COMMD10: variants seen among roughly 807,000 people sequenced by gnomAD.
COMMD10 encodes the protein COMM domain containing 10.
COMMD10 carries 33 observed loss-of-function variants against 28.9 expected under a neutral mutation model. The observed-to-expected ratio is 1.14, with a 90% CI of 0.87 to 1.53. COMMD10 has a LOEUF of 1.53. Ranked by LOEUF, COMMD10 falls within the 40% of genes most tolerant of loss-of-function variation. COMMD10 has a pLI of 0.00. For synonymous variants in COMMD10, 110 were observed against 81.7 expected, an observed-to-expected ratio of 1.35 and a Z score of -1.87; for missense variants, 310 against 233.4, an observed-to-expected ratio of 1.33 and a Z score of -2.14.
chr5:116,097,382 G>A (rs916251941), intron 4 of COMMD10, among the ~76,000 whole-genome samples: 1 of 152,158 alleles, frequency 6.6e-6, no homozygotes, highest in Non-Finnish European at 1.5e-5. Flanking sequence ...CCCATTAATA[G>A]TTCTAGTTTA....
At chr5:116,230,031 T>C (rs890920377) in intron 5 of COMMD10, among the ~76,000 whole-genome samples, 7 of 151,986 alleles carry the variant, frequency 4.6e-5, no homozygotes, top group Non-Finnish European at 7.4e-5. Context: ...TAAACTTTAT[T>C]AGGTTTTGTT....
chr5:116,097,477 T>G (rs760149406), intron 4 of COMMD10, among the ~76,000 whole-genome samples: 10 of 152,194 alleles, frequency 6.6e-5, no homozygotes, highest in Non-Finnish European at 1.5e-4. Context: ...GAGTTGGGAT[T>G]TGACAAGAAT....
intron 5 of COMMD10, among the ~76,000 whole-genome samples, chr5:116,228,491 A>G (rs1405455061): frequency 6.6e-6 from 1 of 151,972 alleles, no homozygotes; most frequent in East Asian, 1.9e-4. Flanking sequence ...TTCAATAACC[A>G]GAATTGTAGG....
intron 5 of COMMD10, among the ~76,000 whole-genome samples, chr5:116,163,494 G>A (rs1228573874): frequency 1.3e-5 from 2 of 151,480 alleles, no homozygotes; most frequent in Non-Finnish European, 2.9e-5. Flanking sequence ...GGAGGCTGAG[G>A]CAGGGAATCA....
In COMMD10 at chr5:116,129,751, A is replaced by C. The variant is rs1751803738; in HGVS notation, c.400-4317A>C. 1.5e-5 allele frequency among the ~76,000 whole-genome samples: 2 copies of C among 133,278 alleles called. 1 individual carries two copies. The highest frequency in any genetic ancestry group is 4.6e-4 in the South Asian group (2 of 4,328). 87.4% of individuals were successfully genotyped at this position (133,278 alleles called of 152,430 possible). The stretch of plus-strand genomic sequence containing the variant: ...ATACTATGTGATATACAGTATATAT[A>C]TATACTATATACTATATAATATACA... On this transcript the variant is annotated intron_variant, in intron 4 of 6. Coordinates refer to ENST00000274458, the MANE Select transcript of COMMD10 (RefSeq NM_016144.4).
At chr5:116,203,397 A>G (rs1176548057) in intron 5 of COMMD10, among the ~76,000 whole-genome samples, 5 of 152,238 alleles carry the variant, frequency 3.3e-5, no homozygotes, top group African/African-American at 1.2e-4. Context: ...GAACGCCACA[A>G]AGATACTCCT....
At chr5:116,111,606 TA>T (rs1751048288) in intron 4 of COMMD10, among the ~76,000 whole-genome samples, 1 of 152,218 alleles carries the variant, frequency 6.6e-6, no homozygotes, top group African/African-American at 2.4e-5. Context: ...GATTTCTTGG[TA>T]TTGGTTTTAT....
intron 4 of COMMD10, among the ~76,000 whole-genome samples, chr5:116,096,356 C>T (rs1363685386): frequency 4.0e-5 from 6 of 149,100 alleles, no homozygotes; most frequent in African/African-American, 7.4e-5. Flanking sequence ...TGTTGTTGAA[C>T]TATTGGTAGT....
intron 5 of COMMD10, among the ~76,000 whole-genome samples, chr5:116,284,645 A>G (rs1188701457): frequency 6.6e-6 from 1 of 151,890 alleles, no homozygotes; most frequent in Non-Finnish European, 1.5e-5. Context: ...CAGCCTATGA[A>G]ACTACTTTAA....
chr5:116,216,528 T>C (rs957145093), intron 5 of COMMD10, among the ~76,000 whole-genome samples: 2 of 151,938 alleles, frequency 1.3e-5, no homozygotes, highest in Non-Finnish European at 2.9e-5. Context: ...ATTTCTTTTT[T>C]TGTTTTTGTT....
At chr5:116,182,423 CA>C (rs1748000888) in intron 5 of COMMD10, among the ~76,000 whole-genome samples, 3 of 151,584 alleles carry the variant, frequency 2.0e-5, no homozygotes, top group African/African-American at 7.3e-5. Flanking sequence ...GGGTGGGTGT[CA>C]GTGAGCTCAG....
At chr5:116,090,212 C>T (rs1237544055) in intron 2 of COMMD10, among the ~76,000 whole-genome samples, 1 of 152,148 alleles carries the variant, frequency 6.6e-6, no homozygotes, top group Non-Finnish European at 1.5e-5. Context: ...CCTCTTTGGC[C>T]ATCTTCTTGG....
chr5:116,250,294 GTAA>G (rs1306964725), intron 5 of COMMD10, among the ~76,000 whole-genome samples: 1 of 151,766 alleles, frequency 6.6e-6, no homozygotes, highest in African/African-American at 2.4e-5. Context: ...ATTTGGTATA[GTAA>G]TAATAACGTG....
intron 5 of COMMD10, among the ~76,000 whole-genome samples, chr5:116,221,081 CTTTTT>C (rs70978610): frequency 7.0e-6 from 1 of 142,562 alleles, no homozygotes; most frequent in Non-Finnish European, 1.5e-5. Flanking sequence ...TTGAGATACT[CTTTTT>C]TTTTTTTTTT....
intron 5 of COMMD10, among the ~76,000 whole-genome samples, chr5:116,202,586 T>C (rs1467120603): frequency 6.6e-6 from 1 of 152,008 alleles, no homozygotes; most frequent in African/African-American, 2.4e-5. Context: ...TTCTAAGTGG[T>C]GTGAGATGGT....
intron 5 of COMMD10, among the ~76,000 whole-genome samples, chr5:116,200,231 T>A (rs1748631059): frequency 2.0e-5 from 3 of 152,064 alleles, no homozygotes; most frequent in Non-Finnish European, 2.9e-5. Flanking sequence ...CTATATATAC[T>A]TTTTTGTACC....
intron 5 of COMMD10, among the ~76,000 whole-genome samples, chr5:116,153,118 C>G (rs920981118): frequency 1.3e-5 from 2 of 152,034 alleles, no homozygotes; most frequent in Admixed American, 1.3e-4. Context: ...CTACCTAATT[C>G]TATATATTTT....
intron 5 of COMMD10, among the ~76,000 whole-genome samples, chr5:116,278,128 A>G (rs928426181): frequency 6.6e-6 from 1 of 151,872 alleles, no homozygotes; most frequent in Non-Finnish European, 1.5e-5. Context: ...GTCATCAGAT[A>G]TGTACTTATC....
At chr5:116,251,172 T>C (rs1750103366) in intron 5 of COMMD10, among the ~76,000 whole-genome samples, 1 of 151,988 alleles carries the variant, frequency 6.6e-6, no homozygotes, top group South Asian at 2.1e-4. Context: ...AAATGCTTGA[T>C]TTTTCCATTA....
Sources: allele counts gnomAD v4.1 joint callset (sites outside exome capture counted in the v4.1 genomes callset), GRCh38; gene constraint gnomAD v4.1.1; transcripts MANE v1.5; gene names NCBI Gene and HGNC (gene_info 2026-07-23, HGNC 2026-07-21).